The following GTF2F2 variants were observed in gnomAD, a reference collection of about 807,000 sequenced individuals.
GTF2F2 encodes the protein ATP-dependent helicase GTF2F2.
In GTF2F2, 23 loss-of-function variants were observed where a neutral mutation model predicts 42.2. The ratio of observed to expected loss-of-function variants is 0.55; its 90% CI spans 0.39 to 0.77. The LOEUF (loss-of-function observed/expected upper bound fraction) is 0.77, where lower values mean the gene tolerates loss of function less well. Among genes scored for constraint, GTF2F2 ranks in the 30% least tolerant of loss-of-function variants. The pLI is 0.00. For synonymous variants in GTF2F2, 105 were observed against 100.8 expected, an observed-to-expected ratio of 1.04 and a Z score of -0.25; for missense variants, 261 against 287.2, an observed-to-expected ratio of 0.91 and a Z score of 0.66.
chr13:45,202,247 C>T (rs993336049), intron 4 of GTF2F2, among the ~76,000 whole-genome samples: 5 of 152,072 alleles, frequency 3.3e-5, no homozygotes, highest in Admixed American at 1.3e-4. Flanking sequence ...ATTAGCCTGG[C>T]GCAGTGGCAC....
At chr13:45,226,244 A>G (rs1239646745) in intron 5 of GTF2F2, among the ~76,000 whole-genome samples, 1 of 152,178 alleles carries the variant, frequency 6.6e-6, no homozygotes, top group Non-Finnish European at 1.5e-5. Flanking sequence ...ATTTGAGGCT[A>G]TATATCATGT....
intron 6 of GTF2F2, among the ~76,000 whole-genome samples, chr13:45,262,711 G>A (rs981960379): frequency 3.3e-5 from 5 of 151,942 alleles, no homozygotes; most frequent in South Asian, 2.1e-4. Context: ...GAGCCACTGC[G>A]CCCGGCCTAA....
intron 4 of GTF2F2, among the ~76,000 whole-genome samples, chr13:45,159,725 C>T (rs930205049): frequency 2.6e-5 from 4 of 152,250 alleles, no homozygotes; most frequent in Non-Finnish European, 1.5e-5. Flanking sequence ...CTGCCCGCCT[C>T]AGCCTCCCAA....
At chr13:45,176,732 A>G (rs1465718988) in intron 4 of GTF2F2, among the ~76,000 whole-genome samples, 2 of 151,312 alleles carry the variant, frequency 1.3e-5, no homozygotes, top group Non-Finnish European at 2.9e-5. Flanking sequence ...GCTTTTTTGT[A>G]TTGTCTTTCT....
intron 3 of GTF2F2, among the ~76,000 whole-genome samples, chr13:45,150,950 T>G (rs535254195): frequency 1.7e-3 from 253 of 152,208 alleles, no homozygotes; most frequent in Non-Finnish European, 2.7e-3. Context: ...ATTATTCTTT[T>G]TGTTTTTGTT....
intron 5 of GTF2F2, among the ~76,000 whole-genome samples, chr13:45,217,128 G>A (rs1385123860): frequency 6.6e-6 from 1 of 151,568 alleles, no homozygotes; most frequent in African/African-American, 2.4e-5. Context: ...GTGAAACCCC[G>A]TCTCTACTAA....
intron 1 of GTF2F2, among the ~76,000 whole-genome samples, chr13:45,128,735 A>T (rs980734808): frequency 6.6e-6 from 1 of 152,014 alleles, no homozygotes; most frequent in Non-Finnish European, 1.5e-5. Context: ...CTTGGATCAC[A>T]AGTGTGCACT....
chr13:45,122,651 T>TA lies in GTF2F2; in HGVS notation c.66+1938dup, dbSNP rs75556609. Among the ~76,000 whole-genome samples the TA allele has an allele frequency of 3.3e-5, 5 of 151,692 alleles. No individual in the cohort carries two copies. The East Asian group carries it at 9.7e-4, about 29-fold the overall frequency. ...TTCCTTCTCAAAAAAATAAATAAAT[T>TA]AAAAAAAAGTGTAATTTGTTGCTTA... is the stretch of plus-strand genomic sequence containing the variant. On this transcript the variant is annotated intron_variant, in intron 1 of 7. Transcript: ENST00000340473.
intron 4 of GTF2F2, among the ~76,000 whole-genome samples, chr13:45,179,570 G>A (rs1246161822): frequency 6.6e-6 from 1 of 152,160 alleles, no homozygotes; most frequent in East Asian, 1.9e-4. Context: ...ATGAACTCCT[G>A]TTAGACTTTC....
Position 45,198,326 on chromosome 13 carries a change from A to G in GTF2F2, c.305-9098A>G, listed in dbSNP as rs559312049. Among the ~76,000 whole-genome samples the G allele has an allele frequency of 3.3e-5, 5 of 152,338 alleles. No homozygotes were observed. In the South Asian group the frequency reaches 1.0e-3, roughly 32 times the overall value. Reference sequence around the variant, plus strand: ...TCATTGTAATATATACACTTGCTCCATTTATATGCCAGAGATACTCCCATG... The same window carrying G: ...TCATTGTAATATATACACTTGCTCCGTTTATATGCCAGAGATACTCCCATG... On this transcript the variant is annotated intron_variant, in intron 4 of 7. Coordinates refer to ENST00000340473, the MANE Select transcript of GTF2F2 (RefSeq NM_004128.3).
At chr13:45,218,689 T>C (rs1247313844) in intron 5 of GTF2F2, among the ~76,000 whole-genome samples, 3 of 152,242 alleles carry the variant, frequency 2.0e-5, no homozygotes, top group Non-Finnish European at 4.4e-5. Context: ...GCAGAAAAGA[T>C]ACCACATGTT....
chr13:45,135,064 G>A lies in GTF2F2; in HGVS notation c.67-1669G>A, dbSNP rs191755179. On this transcript the variant is annotated intron_variant, in intron 1 of 7. Coordinates refer to ENST00000340473, the MANE Select transcript of GTF2F2 (RefSeq NM_004128.3). The stretch of plus-strand genomic sequence containing the variant: ...CACCTCCTGGGTTCAAGCAATTCTC[G>A]TGCCTTAGTCTTCCAAGTAGCTGGG... Among the ~76,000 whole-genome samples, 16 of 151,104 alleles carry A rather than the reference G, an allele frequency of 1.1e-4. No homozygotes were observed. In the East Asian group the frequency reaches 2.9e-3, roughly 28 times the overall value.
At chr13:45,246,419 G>A (rs1176784985) in intron 5 of GTF2F2, among the ~76,000 whole-genome samples, 2 of 151,874 alleles carry the variant, frequency 1.3e-5, no homozygotes, top group Admixed American at 1.3e-4. Context: ...TCTTACTTAG[G>A]CACCACTTTC....
intron 2 of GTF2F2, among the ~76,000 whole-genome samples, chr13:45,147,870 C>T (rs764793125): frequency 4.6e-5 from 7 of 152,208 alleles, no homozygotes; most frequent in Non-Finnish European, 1.0e-4. Flanking sequence ...ATCCCTCACT[C>T]ACTTCTTTTC....
intron 1 of GTF2F2, among the ~76,000 whole-genome samples, chr13:45,126,488 G>T (rs1869009815): frequency 6.6e-6 from 1 of 152,260 alleles, no homozygotes; most frequent in African/African-American, 2.4e-5. Flanking sequence ...CTGACCTCGT[G>T]ATCCCCCTGC....
intron 2 of GTF2F2, among the ~76,000 whole-genome samples, chr13:45,140,057 G>T (rs535993038): frequency 6.7e-6 from 1 of 149,970 alleles, no homozygotes; most frequent in East Asian, 1.9e-4. Context: ...TCTTTTTTTT[G>T]AAACAGGGTC....
intron 4 of GTF2F2, among the ~76,000 whole-genome samples, chr13:45,152,034 G>A (rs868197372): frequency 1.3e-5 from 2 of 149,358 alleles, no homozygotes; most frequent in Admixed American, 6.8e-5. Flanking sequence ...TCCTGCCTCA[G>A]CCCCCCGAGT....
chr13:45,188,853 A>T (rs1872524937), intron 4 of GTF2F2, among the ~76,000 whole-genome samples: 1 of 151,998 alleles, frequency 6.6e-6, no homozygotes, highest in South Asian at 2.1e-4. Flanking sequence ...AAAATCTTAT[A>T]TTCACCAGCA....
intron 4 of GTF2F2, among the ~76,000 whole-genome samples, chr13:45,189,064 C>T (rs1049039317): frequency 6.6e-6 from 1 of 152,100 alleles, no homozygotes; most frequent in African/African-American, 2.4e-5. Context: ...CTCCCCACCC[C>T]ACAACAGGCC....
Sources: allele counts gnomAD v4.1 joint callset (sites outside exome capture counted in the v4.1 genomes callset), GRCh38; gene constraint gnomAD v4.1.1; transcripts MANE v1.5; gene names NCBI Gene and HGNC (gene_info 2026-07-23, HGNC 2026-07-21).